The following MEGF10 variants were observed in gnomAD, a reference collection of about 807,000 sequenced individuals.
MEGF10 encodes multiple epidermal growth factor-like domains protein 10.
Under a neutral mutation model 147.5 loss-of-function variants are expected in MEGF10, and 86 were observed. The ratio of observed to expected loss-of-function variants is 0.58; its 90% CI spans 0.49 to 0.70. MEGF10 has a LOEUF of 0.70. Among genes scored for constraint, MEGF10 ranks in the 30% least tolerant of loss-of-function variants. MEGF10 has a pLI of 0.00. For missense variants in MEGF10, 1,329 were observed against 1,487.3 expected (o/e 0.89, Z 1.75); for synonymous variants, 478 against 525.5 (o/e 0.91, Z 1.24).
chr5:127,416,825 CT>C (rs1764795844), intron 9 of MEGF10, among the ~76,000 whole-genome samples: 1 of 152,210 alleles, frequency 6.6e-6, no homozygotes, highest in Non-Finnish European at 1.5e-5. Flanking sequence ...GTCTTCATCC[CT>C]CCCAGGTTGT....
At chr5:127,284,109 C>T in the MEGF10 span, among the ~76,000 whole-genome samples, 3 of 152,180 alleles carry the variant, frequency 2.0e-5, no homozygotes, top group South Asian at 4.1e-4. Context: ...TCTTCCTCCA[C>T]TACCTTTAAA....
chr5:127,386,449 T>C (rs1763438233), intron 5 of MEGF10, among the ~76,000 whole-genome samples: 1 of 152,154 alleles, frequency 6.6e-6, no homozygotes, highest in Admixed American at 6.5e-5. Flanking sequence ...TATTTCTCCT[T>C]TCATATTTCC....
At chr5:127,390,679 G>A (rs1763615780) in intron 5 of MEGF10, among the ~76,000 whole-genome samples, 1 of 152,000 alleles carries the variant, frequency 6.6e-6, no homozygotes, top group Non-Finnish European at 1.5e-5. Context: ...TTAATTAATC[G>A]ATAGTATTCC....
chr5:127,391,717 AATC>A (rs1763705417), intron 5 of MEGF10, among the ~76,000 whole-genome samples: 1 of 152,170 alleles, frequency 6.6e-6, no homozygotes, highest in Non-Finnish European at 1.5e-5. Context: ...GAATGCATCT[AATC>A]ATCATCGTCA....
chr5:127,423,866 A>G lies in MEGF10; in HGVS notation c.1693+1094A>G, dbSNP rs946193931. Among the ~76,000 whole-genome samples the G allele has an allele frequency of 1.3e-5, 2 of 152,024 alleles. 1 individual carries two copies. Among genetic ancestry groups the G allele is most frequent in the South Asian group, 4.1e-4 (2 of 4,822 alleles). ...TTGATGATGACTTTTGCAGCAGAAAAGTTTTTATTTTGATGAAGTCTAGTT... is the reference window on the plus strand; with the variant it reads ...TTGATGATGACTTTTGCAGCAGAAAGGTTTTTATTTTGATGAAGTCTAGTT... On this transcript the variant is annotated intron_variant, in intron 13 of 24. Coordinates refer to ENST00000503335, the MANE Select transcript of MEGF10 (RefSeq NM_001256545.2).
rs557170920 is a variant in MEGF10 at position 127,316,138 on chromosome 5, C to T, written c.-18-15153C>T. On this transcript the variant is annotated intron_variant, in intron 1 of 24. Transcript: ENST00000503335. Reference sequence around the variant, plus strand: ...CTGCCATATAAGTTTGGTGCCATTGCACCTTTGCTCTGCCTCCTTATCTTG... The same window carrying T: ...CTGCCATATAAGTTTGGTGCCATTGTACCTTTGCTCTGCCTCCTTATCTTG... Among the ~76,000 whole-genome samples, 69 of 152,342 alleles carry T rather than the reference C, an allele frequency of 4.5e-4. 1 individual carries two copies. The South Asian group carries it at 0.014, about 31-fold the overall frequency.
rs1422314 is a variant in MEGF10, at chr5:127,298,701, A to G, written c.-19+7645A>G. 9.0e-4 allele frequency among the ~76,000 whole-genome samples: 137 copies of G among 152,248 alleles called. 1 individual carries two copies. The highest frequency in any genetic ancestry group is 3.2e-3 in the African/African-American group (135 of 41,554). ...GTTTTTAAATTTTAGTGACTTGGCC[A>G]GAGGGGGTCACAGAGAATAGCTGGT... On this transcript the variant is annotated intron_variant, in intron 1 of 24. Transcript: ENST00000503335.
chr5:127,339,254 G>T (rs1312360007), intron 3 of MEGF10, 33 bp downstream of exon 3: 19 of 1,450,170 alleles, frequency 1.3e-5, no homozygotes, highest in Non-Finnish European at 1.8e-5. Flanking sequence ...TGTGAGTTTG[G>T]CTAACTGGGA....
chr5:127,244,195 CAAAAAAAA>C, the MEGF10 span, among the ~76,000 whole-genome samples: 6 of 70,598 alleles, frequency 8.5e-5, no homozygotes, highest in Admixed American at 3.8e-4. Context: ...AAACTCTGTC[CAAAAAAAA>C]AAAAAAAAAA....
chr5:127,417,950 A>G, intron 10 of MEGF10, 138 bp downstream of exon 10: 1 of 905,890 alleles, frequency 1.1e-6, no homozygotes, highest in South Asian at 1.8e-5. Flanking sequence ...AGAGAAAATG[A>G]GGGGAAAAAT....
chr5:127,238,229 T>C, the MEGF10 span, among the ~76,000 whole-genome samples: 4 of 151,986 alleles, frequency 2.6e-5, no homozygotes, highest in Admixed American at 2.0e-4. Context: ...CTAATTTCTG[T>C]ATTTTTAGTA....
chr5:127,290,156 T>C (rs761937933), upstream of MEGF10, among the ~76,000 whole-genome samples: 15 of 152,100 alleles, frequency 9.9e-5, no homozygotes, highest in African/African-American at 3.6e-4. Context: ...TCCGAGGACC[T>C]GGGGGGATTT....
Position 127,413,714 on chromosome 5 carries a change from A to G in MEGF10, c.1130+3113A>G, listed in dbSNP as rs374764152. Among the ~76,000 whole-genome samples the G allele has an allele frequency of 3.9e-5, 6 of 152,260 alleles. No individual in the cohort carries two copies. The East Asian group carries it at 9.6e-4, about 24-fold the overall frequency. On this transcript the variant is annotated intron_variant, in intron 9 of 24. Coordinates refer to ENST00000503335, the MANE Select transcript of MEGF10 (RefSeq NM_001256545.2). Reference sequence around the variant, plus strand: ...GCTTCTACAACAACATGTAAATCTCATTACCAATTAAGCTGCCTGCATGAG... The same window carrying G: ...GCTTCTACAACAACATGTAAATCTCGTTACCAATTAAGCTGCCTGCATGAG...
At chr5:127,368,388 G>A (rs17165029) in intron 4 of MEGF10, among the ~76,000 whole-genome samples, 4,908 of 152,222 alleles carry the variant, frequency 0.032, 268 homozygotes, top group African/African-American at 0.11. Context: ...TCTGATGATA[G>A]CAAGAGAGCT....
chr5:127,435,706 G>A (rs1765532609), intron 16 of MEGF10, among the ~76,000 whole-genome samples: 1 of 151,572 alleles, frequency 6.6e-6, no homozygotes. Context: ...TAATGTCTTG[G>A]AAAGAACCTA....
Position 127,355,849 on chromosome 5 carries a change from A to AT in MEGF10, c.320-14050dup, listed in dbSNP as rs368752936. On this transcript the variant is annotated intron_variant, in intron 4 of 24. Transcript: ENST00000503335. ...CAGAAGGAGATCATATCTGCTGCCT[A>AT]TTTTTTTTTTTCTTGAGAAAGCCTG... Among the ~76,000 whole-genome samples, 596 of 147,756 alleles carry AT rather than the reference A, an allele frequency of 4.0e-3. 2 individuals are homozygous for AT. The Middle Eastern group carries it at 0.066, about 16-fold the overall frequency.
rs370219469 is a variant in MEGF10 at position 127,410,515 on chromosome 5, G to T, written c.1044G>T (p.Glu348Asp). 402 of 1,613,792 alleles carry T rather than the reference G, an allele frequency of 2.5e-4. No individual in the cohort carries two copies. The highest frequency in any genetic ancestry group is 3.3e-4 in the Non-Finnish European group (392 of 1,180,042). ...ACLCEAGFAG[E>D]RCEARLCPEG... ...TCTGTGAAGCAGGCTTTGCTGGCGA[G>T]CGCTGCGAAGCACGCCTGTGTCCTG... Residue 348 changes from glutamate (E) to aspartate (D), a missense_variant, in exon 9 of 25, where the codon GAG (glutamate) becomes GAT (aspartate). By Grantham distance (45) the Glu-to-Asp change is conservative. Coordinates refer to ENST00000503335, the MANE Select transcript of MEGF10 (RefSeq NM_001256545.2).
At chr5:127,325,208 C>G (rs114625895) in intron 1 of MEGF10, among the ~76,000 whole-genome samples, 4 of 152,146 alleles carry the variant, frequency 2.6e-5, no homozygotes, top group African/African-American at 9.7e-5. Flanking sequence ...TTGGCTTCCT[C>G]TCCTCTTAAA....
chr5:127,445,676 C>A lies in MEGF10; in HGVS notation c.2711C>A (p.Ala904Glu). 1 of 1,613,384 alleles carries A rather than the reference C, an allele frequency of 6.2e-7. No individual in the cohort carries two copies. The highest frequency in any genetic ancestry group is 1.6e-4 in the Middle Eastern group (1 of 6,062). Residue 904 changes from alanine to glutamate, a missense_variant, in exon 20 of 25, where the codon GCA becomes GAA. Coordinates refer to ENST00000503335, the MANE Select transcript of MEGF10 (RefSeq NM_001256545.2). Reference protein sequence around the residue: ...TYTPAMRVVNADYTISGTLPH... With the variant: ...TYTPAMRVVNEDYTISGTLPH... Reference sequence around the variant, plus strand: ...ACCCCTGCTATGAGGGTCGTCAATGCAGATTATACCATTTCAGGTAAGAGC... The same window carrying A: ...ACCCCTGCTATGAGGGTCGTCAATGAAGATTATACCATTTCAGGTAAGAGC...
Sources: allele counts gnomAD v4.1 joint callset (sites outside exome capture counted in the v4.1 genomes callset), GRCh38; gene constraint gnomAD v4.1.1; transcripts MANE v1.5; gene names NCBI Gene and HGNC (gene_info 2026-07-23, HGNC 2026-07-21).